The following ERI1 variants were observed in gnomAD, a reference collection of about 807,000 sequenced individuals.
The protein encoded by ERI1 is 3'-5' exoribonuclease 1.
ERI1 carries 39 observed loss-of-function variants against 39.7 expected under a neutral mutation model. That is an observed-to-expected ratio of 0.98 (90% CI 0.76 to 1.28). The LOEUF is 1.28. ERI1 is among the 50% of genes most tolerant of loss of function. ERI1 has a pLI of 0.00. For synonymous variants in ERI1, 204 were observed against 149.6 expected, an observed-to-expected ratio of 1.36 and a Z score of -2.65; for missense variants, 581 against 416.9, an observed-to-expected ratio of 1.39 and a Z score of -3.43.
chr8:9,037,890 TTA>T (rs1491238158), downstream of ERI1, among the ~76,000 whole-genome samples: 1 of 115,882 alleles, frequency 8.6e-6, no homozygotes, highest in Non-Finnish European at 1.9e-5. Flanking sequence ...CATTGCTGAT[TTA>T]AAAAAAAAAA....
Position 9,030,234 on chromosome 8 carries a change from G to A in ERI1, c.*200G>A, listed in dbSNP as rs1797492173. 2 of 632,566 alleles carry A rather than the reference G, an allele frequency of 3.2e-6. No individual in the cohort carries two copies. The highest frequency in any genetic ancestry group is 5.4e-6 in the Non-Finnish European group (2 of 373,310). 39.2% of individuals were successfully genotyped at this position (632,566 alleles called of 1,614,324 possible). On this transcript the variant is annotated 3_prime_UTR_variant, in exon 7 of 7. Coordinates refer to ENST00000250263, the MANE Select transcript of ERI1 (RefSeq NM_153332.4). ...TGAATTCTTTGTCACCAGCACTTTT[G>A]ATATGAACAGTATTCGTTACATAGT...
chr8:9,013,823 C>G (rs1816937910), intron 3 of ERI1, among the ~76,000 whole-genome samples: 1 of 152,270 alleles, frequency 6.6e-6, no homozygotes, highest in East Asian at 1.9e-4. Context: ...TTGTTTCTCT[C>G]ACATCCAGGT....
At chr8:9,087,381 G>T (rs1158319423) in intron 3 of ERI1, among the ~76,000 whole-genome samples, 1 of 149,156 alleles carries the variant, frequency 6.7e-6, no homozygotes, top group Non-Finnish European at 1.5e-5. Flanking sequence ...TAGTAACTGT[G>T]GATTACAGGT....
chr8:9,092,037 A>C (rs1053442951), intron 3 of ERI1, among the ~76,000 whole-genome samples: 2 of 151,984 alleles, frequency 1.3e-5, no homozygotes, highest in African/African-American at 4.8e-5. Context: ...GCTCACTGCA[A>C]CCTCCGCCTC....
rs766654542 is a variant in ERI1 at position 9,032,202 on chromosome 8, C to T, written c.*2168C>T. On this transcript the variant is annotated 3_prime_UTR_variant, in exon 7 of 7. Transcript: ENST00000250263. ...TGTTGTCTTTGAAAGACAAATAGTA[C>T]AACTTTTTACAAGGAAACACGTAAG... The T allele has an allele frequency of 6.6e-6, 1 of 152,134 alleles. No individual in the cohort carries two copies. Among genetic ancestry groups the T allele is most frequent in the Non-Finnish European group, 1.5e-5 (1 of 68,030 alleles). 9.4% of individuals were successfully genotyped at this position (152,134 alleles called of 1,614,324 possible).
intron 3 of ERI1, among the ~76,000 whole-genome samples, chr8:9,074,730 C>A (rs1048126278): frequency 6.6e-6 from 1 of 152,236 alleles, no homozygotes; most frequent in East Asian, 1.9e-4. Flanking sequence ...CCACTGCGCC[C>A]AGCCAGTACT....
intron 3 of ERI1, among the ~76,000 whole-genome samples, chr8:9,064,033 T>G: frequency 2.0e-5 from 3 of 148,846 alleles, no homozygotes; most frequent in African/African-American, 7.5e-5. Flanking sequence ...GGAAAGGGGT[T>G]GGGGTGTGTA....
intron 6 of ERI1, among the ~76,000 whole-genome samples, chr8:9,024,373 A>C (rs1818247865): frequency 6.6e-6 from 1 of 152,064 alleles, no homozygotes; most frequent in Admixed American, 6.5e-5. Context: ...ACAAAATTAT[A>C]CAGCTGTTTC....
rs28587309 is a variant in ERI1, at chr8:9,013,676, G to A, written c.498+1924G>A. ...TCCAGATTGCTTATTTGAAATCTCT[G>A]CTTAAGTGTCTCAACCTTTTGAACT... On this transcript the variant is annotated intron_variant, in intron 3 of 6. Coordinates refer to ENST00000250263, the MANE Select transcript of ERI1 (RefSeq NM_153332.4). Among the ~76,000 whole-genome samples the A allele has an allele frequency of 8.9e-3, 1,355 of 152,168 alleles. 20 individuals are homozygous for A. Among genetic ancestry groups the A allele is most frequent in the African/African-American group, 0.031 (1,293 of 41,490 alleles).
At chr8:9,033,920 G>A (rs1322364756), downstream of ERI1, among the ~76,000 whole-genome samples, 1 of 152,242 alleles carries the variant, frequency 6.6e-6, no homozygotes, top group Non-Finnish European at 1.5e-5. Flanking sequence ...AAATCAGGAG[G>A]TAATTTGATG....
In ERI1 at chr8:9,061,819, T is replaced by G. The variant is rs11780214; in HGVS notation, n.299+41355T>G. Among the ~76,000 whole-genome samples, 2 of 148,502 alleles carry G rather than the reference T, an allele frequency of 1.3e-5. 1 individual carries two copies. Among genetic ancestry groups the G allele is most frequent in the Non-Finnish European group, 3.0e-5 (2 of 67,016 alleles). On this transcript the variant is annotated intron_variant and non_coding_transcript_variant, in intron 3 of 3. Coordinates refer to the ERI1 transcript ENST00000518663. Reference sequence around the variant, plus strand: ...CTGTCCGTGAAGTTTTGCAGCAGTATAGCCCAGGTAATTTGCTGAGCCTGA... The same window carrying G: ...CTGTCCGTGAAGTTTTGCAGCAGTAGAGCCCAGGTAATTTGCTGAGCCTGA...
At chr8:9,043,406 C>T (rs996144005) in intron 3 of ERI1, among the ~76,000 whole-genome samples, 2 of 152,184 alleles carry the variant, frequency 1.3e-5, no homozygotes, top group African/African-American at 4.8e-5. Flanking sequence ...TTACTTTTTA[C>T]ATTCTTCACC....
chr8:9,028,846 ACT>A (rs1563336035), intron 6 of ERI1, among the ~76,000 whole-genome samples: 2 of 151,098 alleles, frequency 1.3e-5, no homozygotes, highest in Non-Finnish European at 3.0e-5. Flanking sequence ...CTGGTCTTGA[ACT>A]CCTGACCTCA....
intron 3 of ERI1, chr8:9,049,749 C>A (rs1798298434): frequency 6.6e-6 from 1 of 152,036 alleles, no homozygotes; most frequent in South Asian, 2.1e-4. Flanking sequence ...CTCCCACAAC[C>A]CCCGCAAAAA....
At chr8:9,009,509 A>G (rs1209798971) in intron 2 of ERI1, among the ~76,000 whole-genome samples, 2 of 152,178 alleles carry the variant, frequency 1.3e-5, no homozygotes, top group African/African-American at 4.8e-5. Context: ...AACCAAAGTT[A>G]TAGGACATAA....
chr8:9,013,489 C>G (rs1816894522), intron 3 of ERI1, among the ~76,000 whole-genome samples: 2 of 151,976 alleles, frequency 1.3e-5, no homozygotes, highest in African/African-American at 4.8e-5. Flanking sequence ...CCCAGCTTCC[C>G]CGTATCAGAT....
At chr8:9,011,474 C>A in intron 2 of ERI1, 68 bp from the exon 3 acceptor site, 1 of 1,031,386 alleles carries the variant, frequency 9.7e-7, no homozygotes, top group Non-Finnish European at 1.4e-6. Context: ...CCAGTGCCAG[C>A]AGGTGAGAGT....
chr8:9,084,798 C>G (rs1799475089), intron 3 of ERI1, among the ~76,000 whole-genome samples: 1 of 152,120 alleles, frequency 6.6e-6, no homozygotes, highest in African/African-American at 2.4e-5. Flanking sequence ...TACCAGATAG[C>G]TGGACTGATA....
rs1261002181 is a variant in ERI1, at chr8:9,032,619, A to T, written c.*2585A>T. On this transcript the variant is annotated 3_prime_UTR_variant, in exon 7 of 7. Coordinates refer to ENST00000250263, the MANE Select transcript of ERI1 (RefSeq NM_153332.4). ...AAGCATGTTACCTATTAAGAGAGAG[A>T]GGGTATCTCTGAAGACTAATTAAAA... is the stretch of plus-strand genomic sequence containing the variant. The T allele has an allele frequency of 6.6e-6, 1 of 152,226 alleles. No homozygotes were observed. The highest frequency in any genetic ancestry group is 1.5e-5 in the Non-Finnish European group (1 of 68,048). The allele number at this position is 152,226 out of a possible 1,614,324, so 9.4% of individuals were successfully genotyped here.
Sources: gnomAD v4.1 joint callset for allele counts (sites outside exome capture counted in the v4.1 genomes callset) on GRCh38, gnomAD v4.1.1 for gene constraint, MANE v1.5 for transcripts, NCBI Gene and HGNC (gene_info 2026-07-23, HGNC 2026-07-21) for gene names.